Variants in ELP4 observed in about 807,000 individuals in gnomAD.
ELP4 encodes the protein elongator acetyltransferase complex subunit 4.
ELP4 carries 51 observed loss-of-function variants against 48.9 expected under a neutral mutation model. That is an observed-to-expected ratio of 1.04 (90% CI 0.83 to 1.32). The LOEUF (loss-of-function observed/expected upper bound fraction) is 1.32. Among genes scored for constraint, ELP4 ranks in the 40% most tolerant of loss-of-function variants. The probability of loss-of-function intolerance (pLI) is 0.00; values close to 1 mark genes in which losing one functional copy is unlikely to be tolerated. For missense variants in ELP4, 519 were observed against 514.6 expected, an observed-to-expected ratio of 1.01 and a Z score of -0.08; for synonymous variants, 210 against 189.2, an observed-to-expected ratio of 1.11 and a Z score of -0.90.
At chr11:31,714,094 T>G (rs1946795061) in intron 9 of ELP4, among the ~76,000 whole-genome samples, 1 of 152,194 alleles carries the variant, frequency 6.6e-6, no homozygotes, top group Non-Finnish European at 1.5e-5. Context: ...CAGCACTGTA[T>G]GATTAATCAT....
chr11:31,663,985 A>G (rs991655498), intron 9 of ELP4: 2 of 152,214 alleles, frequency 1.3e-5, no homozygotes, highest in South Asian at 2.1e-4. Flanking sequence ...ACTTCTTTTC[A>G]AAGGTGTTTA....
chr11:31,516,938 C>T (rs1462700166), intron 1 of ELP4, among the ~76,000 whole-genome samples: 1 of 152,116 alleles, frequency 6.6e-6, no homozygotes, highest in Non-Finnish European at 1.5e-5. Context: ...AATATAAAGT[C>T]TTGTAAATAT....
chr11:31,642,255 A>T (rs1945114581), intron 7 of ELP4, among the ~76,000 whole-genome samples: 1 of 152,000 alleles, frequency 6.6e-6, no homozygotes. Flanking sequence ...ATGTTCTGCA[A>T]AGTATGTTTA....
chr11:31,644,345 G>A (rs189600989), intron 7 of ELP4, among the ~76,000 whole-genome samples: 174 of 151,838 alleles, frequency 1.1e-3, no homozygotes, highest in Admixed American at 2.8e-3. Flanking sequence ...CAAAGATTAT[G>A]TTCAAATTTA....
At chr11:31,544,396 T>C (rs373476968) in intron 3 of ELP4, among the ~76,000 whole-genome samples, 2 of 152,146 alleles carry the variant, frequency 1.3e-5, no homozygotes, top group South Asian at 4.1e-4. Flanking sequence ...TCTCCCTGAT[T>C]GCTAGCACAG....
At chr11:31,523,875 T>C (rs546347623) in intron 2 of ELP4, among the ~76,000 whole-genome samples, 1 of 152,276 alleles carries the variant, frequency 6.6e-6, no homozygotes, top group African/African-American at 2.4e-5. Flanking sequence ...TTGGAACACC[T>C]TAAAAGTTTC....
intron 3 of ELP4, among the ~76,000 whole-genome samples, chr11:31,584,829 C>T (rs1177436707): frequency 2.0e-5 from 3 of 151,998 alleles, no homozygotes; most frequent in South Asian, 2.1e-4. Flanking sequence ...CCGGCCAATT[C>T]GTAGATTTTA....
chr11:31,596,175 C>T (rs966947917), intron 4 of ELP4, among the ~76,000 whole-genome samples: 5 of 152,060 alleles, frequency 3.3e-5, no homozygotes, highest in African/African-American at 7.2e-5. Flanking sequence ...GAGGCCGAGG[C>T]GGGTGGATCA....
chr11:31,618,564 C>T (rs1052648353), intron 5 of ELP4, among the ~76,000 whole-genome samples: 3 of 152,148 alleles, frequency 2.0e-5, no homozygotes, highest in East Asian at 1.9e-4. Context: ...CCACTTAATA[C>T]GGTAACAATG....
chr11:31,716,045 G>T (rs374483078), intron 9 of ELP4, among the ~76,000 whole-genome samples: 3 of 152,054 alleles, frequency 2.0e-5, no homozygotes, highest in African/African-American at 7.2e-5. Flanking sequence ...ACAGGGCCTC[G>T]CTGTGTCACC....
intron 7 of ELP4, among the ~76,000 whole-genome samples, chr11:31,644,088 G>A (rs2134064436): frequency 6.6e-6 from 1 of 151,786 alleles, no homozygotes; most frequent in East Asian, 2.0e-4. Flanking sequence ...ACTATCCAGA[G>A]CTGACAACTC....
intron 9 of ELP4, among the ~76,000 whole-genome samples, chr11:31,723,258 C>T (rs1013854887): frequency 6.6e-6 from 1 of 152,118 alleles, no homozygotes; most frequent in Non-Finnish European, 1.5e-5. Flanking sequence ...GCTGAAGCCC[C>T]AGCATATGGC....
At chr11:31,635,247 A>G (rs11031435) in intron 7 of ELP4, among the ~76,000 whole-genome samples, 1 of 152,162 alleles carries the variant, frequency 6.6e-6, no homozygotes, top group East Asian at 1.9e-4. Context: ...TCAAAGATGT[A>G]CGAATACATA....
At position 31,509,850 on chromosome 11, in the gene ELP4, C is replaced by G. The variant is rs375905355; in HGVS notation, c.66C>G (p.Ser22Arg). The G allele has an allele frequency of 3.7e-6, 6 of 1,614,168 alleles. No individual in the cohort carries two copies. The highest frequency in any genetic ancestry group is 5.1e-6 in the Non-Finnish European group (6 of 1,180,034). Residue 22 changes from serine (S) to arginine (R), a missense_variant, in exon 1 of 10, where the codon AGC becomes AGG. By Grantham distance (110) the Ser-to-Arg change is moderately radical. Coordinates refer to ENST00000640961, the MANE Select transcript of ELP4 (RefSeq NM_019040.5). The stretch of plus-strand genomic sequence containing the variant: ...CTGGGTCTGCAGTGGCGACAGCCAG[C>G]AAGAGCAACGTCACCAGTTTCCAGA... ...ASTGSAVATA[S>R]KSNVTSFQRR...
At chr11:31,514,339 G>T (rs1956067079) in intron 1 of ELP4, among the ~76,000 whole-genome samples, 1 of 152,102 alleles carries the variant, frequency 6.6e-6, no homozygotes, top group East Asian at 1.9e-4. Context: ...CACACCTGTA[G>T]TCCCAGCTAC....
chr11:31,561,745 G>A (rs1027161146), intron 3 of ELP4, among the ~76,000 whole-genome samples: 1 of 152,010 alleles, frequency 6.6e-6, no homozygotes, highest in East Asian at 1.9e-4. Context: ...TGCCTGGCCT[G>A]AAGAGCACAT....
intron 9 of ELP4, among the ~76,000 whole-genome samples, chr11:31,680,378 G>T (rs1048419219): frequency 1.3e-5 from 2 of 152,176 alleles, no homozygotes; most frequent in African/African-American, 4.8e-5. Flanking sequence ...TGATATTTAT[G>T]ATGATATTTC....
chr11:31,631,006 A>G (rs1944849942), intron 6 of ELP4, among the ~76,000 whole-genome samples: 1 of 152,128 alleles, frequency 6.6e-6, no homozygotes, highest in Non-Finnish European at 1.5e-5. Flanking sequence ...TGTCTTGTCC[A>G]GAATCATACA....
intron 3 of ELP4, among the ~76,000 whole-genome samples, chr11:31,562,198 A>G (rs1424522249): frequency 6.6e-6 from 1 of 152,234 alleles, no homozygotes; most frequent in Non-Finnish European, 1.5e-5. Context: ...TGTGATTGGT[A>G]CTTTTCAAAA....
Sources: allele counts gnomAD v4.1 joint callset (sites outside exome capture counted in the v4.1 genomes callset), GRCh38; gene constraint gnomAD v4.1.1; transcripts MANE v1.5; gene names NCBI Gene and HGNC (gene_info 2026-07-23, HGNC 2026-07-21).